TRPA1: variants seen among roughly 807,000 people sequenced by gnomAD.
TRPA1 encodes transient receptor potential cation channel subfamily A member 1, also known as ankyrin-like with transmembrane domains 1.
Under a neutral mutation model 131.3 loss-of-function variants are expected in TRPA1, and 129 were observed. The observed-to-expected ratio is 0.98, with a 90% CI of 0.85 to 1.14. TRPA1 has a LOEUF of 1.14. TRPA1 is among the 50% of genes most tolerant of loss of function. TRPA1 has a pLI of 0.00. For synonymous variants in TRPA1, 441 were observed against 451.7 expected (o/e 0.98, Z 0.30); for missense variants, 1,304 against 1,354.2 (o/e 0.96, Z 0.58).
intron 7 of TRPA1, 27 bp downstream of exon 7, chr8:72,061,598 A>T: frequency 1.9e-6 from 3 of 1,613,568 alleles, no homozygotes; most frequent in Non-Finnish European, 2.5e-6. Context: ...AAAAATCTGT[A>T]TACAGAATGA....
In TRPA1 at chr8:72,063,566, T is replaced by G. The variant is rs7819749; in HGVS notation, c.558A>C (p.Lys186Asn). The change falls in exon 5 of 27, where the codon AAA (lysine) becomes AAC (asparagine). Residue 186 changes from lysine (K) to asparagine (N), a missense_variant. Coordinates refer to ENST00000262209, the MANE Select transcript of TRPA1 (RefSeq NM_007332.3). ...NNSEALQILLKKGAKPCKSNK... is the reference protein window; with the variant it reads ...NNSEALQILLNKGAKPCKSNK... ...TTGATTTACATGGCTTAGCTCCTTT[T>G]TTAAGCTGGAAGAAAAGACAAAATG... 0.64 allele frequency: 1,036,023 copies of G among 1,608,096 alleles called. 342,578 individuals carry two copies. The highest frequency in any genetic ancestry group is 0.98 in the East Asian group (43,978 of 44,794).
chr8:72,046,743 T>A (rs1805337320), intron 16 of TRPA1, 135 bp from the exon 17 acceptor site: 1 of 575,716 alleles, frequency 1.7e-6, no homozygotes, highest in East Asian at 2.9e-5. Flanking sequence ...AAAGTTGAGT[T>A]ATTTCAAGTG....
chr8:72,071,960 A>G (rs1336063222), intron 1 of TRPA1, 93 bp from the exon 2 acceptor site: 3 of 1,137,470 alleles, frequency 2.6e-6, no homozygotes, highest in Non-Finnish European at 3.9e-6. Context: ...ATTATTATCC[A>G]AAACTATCTA....
the TRPA1 span, among the ~76,000 whole-genome samples, chr8:72,081,078 A>G: frequency 6.6e-6 from 1 of 150,848 alleles, no homozygotes; most frequent in Non-Finnish European, 1.5e-5. Flanking sequence ...TTTGGGTTCA[A>G]TTTGCTCTTC....
intron 25 of TRPA1, among the ~76,000 whole-genome samples, chr8:72,025,721 C>A (rs193026327): frequency 3.3e-5 from 5 of 152,116 alleles, no homozygotes; most frequent in African/African-American, 9.7e-5. Context: ...AGGGACAGCA[C>A]GCATTTAACA....
chr8:72,061,508 C>T lies in TRPA1; in HGVS notation c.944+117G>A, dbSNP rs1805806767. The stretch of plus-strand genomic sequence containing the variant: ...CCACAGGGTCTTTGTTATCTTTGCC[C>T]TTTTCCTTTGAACCACAAAATCTTT... On this transcript the variant is annotated intron_variant, in intron 7 of 26. Coordinates refer to ENST00000262209, the MANE Select transcript of TRPA1 (RefSeq NM_007332.3). 3.2e-6 allele frequency: 4 copies of T among 1,261,216 alleles called. No individual in the cohort carries two copies. The East Asian group carries it at 9.4e-5, about 30-fold the overall frequency. The allele number at this position is 1,261,216 out of a possible 1,614,324, so 78.1% of individuals were successfully genotyped here. A position where few individuals can be genotyped will look rare whatever the true frequency, so the allele number is the denominator to read the frequency against.
intron 13 of TRPA1, chr8:72,053,227 A>G (rs1277222772): frequency 1.9e-5 from 4 of 205,584 alleles, no homozygotes; most frequent in African/African-American, 7.1e-5. Flanking sequence ...TGTTTTTTAA[A>G]ATCAGAGACT....
Position 72,055,963 on chromosome 8 carries a change from T to C in TRPA1, c.1195-108A>G, listed in dbSNP as rs535886670. On this transcript the variant is annotated intron_variant, in intron 10 of 26. Transcript: ENST00000262209. Reference sequence around the variant, plus strand: ...TTTTCCAACAAGGGTCAATATGTATTCCTTGGGGCCAAAATTGTAAATAAC... The same window carrying C: ...TTTTCCAACAAGGGTCAATATGTATCCCTTGGGGCCAAAATTGTAAATAAC... 8.5e-5 allele frequency: 80 copies of C among 942,398 alleles called. No homozygotes were observed. The Middle Eastern group carries it at 1.0e-3, about 12-fold the overall frequency. 58.4% of individuals were successfully genotyped at this position (942,398 alleles called of 1,614,324 possible).
intron 13 of TRPA1, chr8:72,053,021 G>A (rs1265346901): frequency 3.2e-5 from 11 of 346,550 alleles, no homozygotes; most frequent in African/African-American, 2.2e-4. Context: ...GAGAGAGAGA[G>A]AGAGAGAGAG....
chr8:72,070,638 T>C (rs554203687), intron 2 of TRPA1, among the ~76,000 whole-genome samples: 1 of 152,336 alleles, frequency 6.6e-6, no homozygotes, highest in Non-Finnish European at 1.5e-5. Flanking sequence ...ACTTCACCCA[T>C]GGCATGTGTA....
Position 72,052,596 on chromosome 8 carries a change from T to A in TRPA1, c.1811+3A>T. 1.2e-6 allele frequency: 2 copies of A among 1,613,528 alleles called. No homozygotes were observed. Among genetic ancestry groups the A allele is most frequent in the Non-Finnish European group, 1.7e-6 (2 of 1,179,612 alleles). On this transcript the variant is annotated splice_donor_region_variant and intron_variant, in intron 14 of 26. Transcript: ENST00000262209. ...AATGACAGTGGACAGGAAGACAGTGTACCTTTTGCTCCTGATGATCGTAAG... is the reference window on the plus strand; with the variant it reads ...AATGACAGTGGACAGGAAGACAGTGAACCTTTTGCTCCTGATGATCGTAAG...
At position 72,052,623 on chromosome 8, in the gene TRPA1, A is replaced by G; in HGVS notation, c.1787T>C (p.Val596Ala). Residue 596 changes from valine (V) to alanine (A), a missense_variant, in exon 14 of 27, where the codon GTT becomes GCT. By Grantham distance (64) the Val-to-Ala change is moderately conservative. Coordinates refer to ENST00000262209, the MANE Select transcript of TRPA1 (RefSeq NM_007332.3). ...CCTTTTGCTCCTGATGATCGTAAGA[A>G]CAACCTCCTTCCTCTTATTGTGAAG... is the stretch of plus-strand genomic sequence containing the variant. Reference protein sequence around the residue: ...LALHNKRKEVVLTIIRSKRWD... With the variant: ...LALHNKRKEVALTIIRSKRWD... 1.2e-6 allele frequency: 2 copies of G among 1,613,686 alleles called. No homozygotes were observed. The highest frequency in any genetic ancestry group is 4.5e-5 in the East Asian group (2 of 44,866).
At chr8:72,040,837 CA>C (rs374896430) in intron 17 of TRPA1, among the ~76,000 whole-genome samples, 49 of 152,142 alleles carry the variant, frequency 3.2e-4, no homozygotes, top group African/African-American at 1.2e-3. Flanking sequence ...ATACTGAAAG[CA>C]ATTAACAAAA....
intron 14 of TRPA1, 31 bp downstream of exon 14, chr8:72,052,568 C>T (rs1368893560): frequency 1.2e-6 from 2 of 1,612,692 alleles, no homozygotes; most frequent in East Asian, 2.2e-5. Flanking sequence ...CCAGAGAACA[C>T]TAAATGACAG....
chr8:72,077,791 A>C (rs571854005), upstream of TRPA1, among the ~76,000 whole-genome samples: 1 of 152,308 alleles, frequency 6.6e-6, no homozygotes, highest in East Asian at 1.9e-4. Flanking sequence ...GTAAACAGGA[A>C]CAAGATGGTA....
chr8:72,041,583 G>A (rs1199027049), intron 17 of TRPA1, among the ~76,000 whole-genome samples: 2 of 151,682 alleles, frequency 1.3e-5, no homozygotes, highest in African/African-American at 4.8e-5. Flanking sequence ...AAAAACCTGT[G>A]GAAGCTTAAC....
chr8:72,075,828 C>A (rs928646242), upstream of TRPA1, among the ~76,000 whole-genome samples: 4 of 150,766 alleles, frequency 2.7e-5, no homozygotes, highest in Admixed American at 2.6e-4. Context: ...AACTAAGAGG[C>A]CCCTTGCCCT....
At chr8:72,089,066 T>C in the TRPA1 span, among the ~76,000 whole-genome samples, 1 of 152,214 alleles carries the variant, frequency 6.6e-6, no homozygotes, top group African/African-American at 2.4e-5. Flanking sequence ...ATAAGATGTA[T>C]ACATGTATCT....
intron 23 of TRPA1, among the ~76,000 whole-genome samples, chr8:72,031,005 G>A (rs1030172764): frequency 2.0e-5 from 3 of 152,302 alleles, no homozygotes; most frequent in Non-Finnish European, 4.4e-5. Flanking sequence ...GACTGCTCTT[G>A]GGGAGCTCAA....
Sources: gnomAD v4.1 joint callset for allele counts (sites outside exome capture counted in the v4.1 genomes callset) on GRCh38, gnomAD v4.1.1 for gene constraint, MANE v1.5 for transcripts, NCBI Gene and HGNC (gene_info 2026-07-23, HGNC 2026-07-21) for gene names.